PTPRF: variants seen among roughly 807,000 people sequenced by gnomAD.
PTPRF encodes protein tyrosine phosphatase receptor type F.
Under a neutral mutation model 201.8 loss-of-function variants are expected in PTPRF, and 59 were observed. The observed-to-expected ratio is 0.29, with a 90% CI of 0.24 to 0.36. The LOEUF (loss-of-function observed/expected upper bound fraction) is 0.36. Ranked by LOEUF, PTPRF falls within the 10% of genes least tolerant of loss-of-function variation. The pLI is 1.00. For missense variants in PTPRF, 2,132 were observed against 2,690.5 expected, an observed-to-expected ratio of 0.79 and a Z score of 4.59; for synonymous variants, 1,088 against 1,089.7, an observed-to-expected ratio of 1.00 and a Z score of 0.03.
At position 43,537,254 on chromosome 1, in the gene PTPRF, G is replaced by A. The variant is rs1194630661; in HGVS notation, c.-125-944G>A. ...ACTCAATAATGGCTCTAGAAGGAAG[G>A]GGCTGGGCTCTGTCGCTGCATGTGT... On this transcript the variant is annotated intron_variant, in intron 1 of 33. Transcript: ENST00000359947. The surrounding 1 kb of genome is among the most constrained non-coding windows in gnomAD (Gnocchi z 4.8). Among the ~76,000 whole-genome samples the A allele has an allele frequency of 6.6e-6, 1 of 152,230 alleles. No homozygotes were observed. Among genetic ancestry groups the A allele is most frequent in the East Asian group, 1.9e-4 (1 of 5,200 alleles).
intron 16 of PTPRF, 40 bp downstream of exon 16, chr1:43,604,229 T>A (rs764355092): frequency 6.3e-7 from 1 of 1,588,604 alleles, no homozygotes; most frequent in Non-Finnish European, 8.6e-7. Context: ...CGAGTGTGGC[T>A]GCATCTGGGG....
At chr1:43,615,551 CTTTTTTTTTTTTTT>C (rs68193223) in intron 23 of PTPRF, among the ~76,000 whole-genome samples, 1,336 of 84,180 alleles carry the variant, frequency 0.016, 22 homozygotes, top group Non-Finnish European at 0.021. Flanking sequence ...GCTCTGTTGT[CTTTTTTTTTTTTTT>C]TTTTTTTTTT....
intron 2 of PTPRF, among the ~76,000 whole-genome samples, chr1:43,544,602 G>T (rs1644543924): frequency 6.6e-6 from 1 of 152,158 alleles, no homozygotes; most frequent in Non-Finnish European, 1.5e-5. Flanking sequence ...ACTGCTCCTT[G>T]TCACTGTCTT....
At chr1:43,610,237 C>T (rs1259664888) in intron 22 of PTPRF, among the ~76,000 whole-genome samples, 1 of 152,166 alleles carries the variant, frequency 6.6e-6, no homozygotes, top group Non-Finnish European at 1.5e-5. Context: ...TTGTATTCAG[C>T]GCACGATGGG....
At chr1:43,576,028 C>G in intron 6 of PTPRF, 1 of 1,113,300 alleles carries the variant, frequency 9.0e-7, no homozygotes, top group Non-Finnish European at 1.2e-6. Context: ...CCCATCCCAA[C>G]CTCTTCAGCC....
intron 7 of PTPRF, chr1:43,583,182 C>T (rs1648195508): frequency 2.3e-6 from 2 of 863,512 alleles, no homozygotes; most frequent in South Asian, 5.3e-5. Context: ...GGTCAGCTCC[C>T]TCAGGCTCAC....
At chr1:43,540,404 G>A (rs1012889284) in intron 2 of PTPRF, among the ~76,000 whole-genome samples, 1 of 152,176 alleles carries the variant, frequency 6.6e-6, no homozygotes, top group African/African-American at 2.4e-5. Flanking sequence ...TGCTGGGGCA[G>A]GAGAAGGACA....
chr1:43,622,228 C>G lies in PTPRF; in HGVS notation c.*225C>G, dbSNP rs1659376297. Reference sequence around the variant, plus strand: ...CCAGCAGGCAGGCACTGTGGCCCTTCTGTCCACCAGACCCACCTGGAGCCC... The same window carrying G: ...CCAGCAGGCAGGCACTGTGGCCCTTGTGTCCACCAGACCCACCTGGAGCCC... On this transcript the variant is annotated 3_prime_UTR_variant, in exon 34 of 34. Transcript: ENST00000359947. 1 of 563,582 alleles carries G rather than the reference C, an allele frequency of 1.8e-6. No individual in the cohort carries two copies. Among genetic ancestry groups the G allele is most frequent in the Non-Finnish European group, 3.2e-6 (1 of 316,766 alleles). The allele number at this position is 563,582 out of a possible 1,614,324, so 34.9% of individuals were successfully genotyped here.
In PTPRF at chr1:43,620,903, G is replaced by A. The variant is rs766132329; in HGVS notation, c.5430G>A (p.Lys1810=). ...ACTGGCCAGAGCAGGGCGTGCCCAA[G>A]ACAGGCGAGGGATTCATTGACTTCA... is the stretch of plus-strand genomic sequence containing the variant. ...FTDWPEQGVP[K]TGEGFIDFIG... is the part of the protein sequence containing the mutation. Residue 1810 remains lysine (K), a synonymous_variant, in exon 32 of 34, where the codon AAG becomes AAA. Transcript: ENST00000359947. 1 of 1,614,238 alleles carries A rather than the reference G, an allele frequency of 6.2e-7. No homozygotes were observed. Among genetic ancestry groups the A allele is most frequent in the South Asian group, 1.1e-5 (1 of 91,088 alleles).
intron 25 of PTPRF, 30 bp from the exon 26 acceptor site, chr1:43,618,600 C>T: frequency 6.3e-7 from 1 of 1,581,432 alleles, no homozygotes; most frequent in Non-Finnish European, 8.7e-7. Context: ...TGTGGGCTTC[C>T]TTCAGCCTGC....
chr1:43,615,711 T>C (rs1028984906), intron 23 of PTPRF, among the ~76,000 whole-genome samples: 6 of 151,624 alleles, frequency 4.0e-5, no homozygotes, highest in African/African-American at 9.7e-5. Context: ...GGACTACAGG[T>C]GCCCGCTACC....
In PTPRF at chr1:43,609,465, G is replaced by A. The variant is rs1655925828; in HGVS notation, c.3940G>A (p.Val1314Met). Residue 1314 changes from valine to methionine, a missense_variant, in exon 22 of 34, where the codon GTG (valine) becomes ATG (methionine). By Grantham distance (21) the Val-to-Met change is conservative. Transcript: ENST00000359947. ...DSLLAHSSDP[V>M]EMRRLNYQTP... ...CTTGCTGGCCCACTCCTCTGACCCT[G>A]TGGAGATGCGGAGGCTCAACTACCA... 1 of 1,613,930 alleles carries A rather than the reference G, an allele frequency of 6.2e-7. No homozygotes were observed. The highest frequency in any genetic ancestry group is 8.5e-7 in the Non-Finnish European group (1 of 1,179,984).
intron 30 of PTPRF, 35 bp downstream of exon 30, chr1:43,620,256 A>T: frequency 6.2e-7 from 1 of 1,610,210 alleles, no homozygotes; most frequent in Non-Finnish European, 8.5e-7. Context: ...CCCCTGTCAT[A>T]CCTGGGAGAA....
intron 26 of PTPRF, 137 bp downstream of exon 26, chr1:43,618,886 G>A (rs2154036495): frequency 6.9e-7 from 1 of 1,447,226 alleles, no homozygotes; most frequent in Middle Eastern, 1.9e-4. Flanking sequence ...GTGATGTGAT[G>A]ATCCATGTTA....
At chr1:43,596,408 G>T (rs1036987391) in intron 11 of PTPRF, among the ~76,000 whole-genome samples, 1 of 152,140 alleles carries the variant, frequency 6.6e-6, no homozygotes, top group African/African-American at 2.4e-5. Context: ...ATGGCAGGGG[G>T]TGGTGACAGA....
Position 43,546,202 on chromosome 1 carries a change from A to T in PTPRF, c.91+1036A>T, listed in dbSNP as rs539413227. Reference sequence around the variant, plus strand: ...TCTTTCTCCTAATGGCTCATTAATTATTCAGGAACTGATTCTGGAGTGGGG... The same window carrying T: ...TCTTTCTCCTAATGGCTCATTAATTTTTCAGGAACTGATTCTGGAGTGGGG... On this transcript the variant is annotated intron_variant, in intron 3 of 33. Transcript: ENST00000359947. This position sits in a 1 kb window ranked among gnomAD's most constrained non-coding sequence, Gnocchi z 4.2. 6.6e-5 allele frequency among the ~76,000 whole-genome samples: 10 copies of T among 152,228 alleles called. No individual in the cohort carries two copies. Among genetic ancestry groups the T allele is most frequent in the Admixed American group, 6.5e-4 (10 of 15,296 alleles).
At chr1:43,565,604 A>G (rs1233356399) in intron 5 of PTPRF, among the ~76,000 whole-genome samples, 2 of 152,080 alleles carry the variant, frequency 1.3e-5, no homozygotes, top group Admixed American at 6.5e-5. Context: ...TTATCAGGCC[A>G]TGGCCCTGAG....
chr1:43,621,863 G>T, intron 33 of PTPRF, 72 bp from the exon 34 acceptor site: 1 of 1,464,926 alleles, frequency 6.8e-7, no homozygotes, highest in Non-Finnish European at 9.6e-7. Flanking sequence ...CATGGCTGCA[G>T]TGTGAGTGTC....
chr1:43,590,109 C>G (rs1281577597), intron 8 of PTPRF, among the ~76,000 whole-genome samples: 1 of 152,184 alleles, frequency 6.6e-6, no homozygotes, highest in African/African-American at 2.4e-5. Context: ...CGCCAGCTGT[C>G]CAGACACATG....
Sources: gnomAD v4.1 joint callset for allele counts (sites outside exome capture counted in the v4.1 genomes callset) on GRCh38, gnomAD v4.1.1 for gene constraint, Gnocchi (gnomAD v3.1) non-coding constraint, MANE v1.5 for transcripts, NCBI Gene and HGNC (gene_info 2026-07-23, HGNC 2026-07-21) for gene names.